Variants in WNT3 observed in about 807,000 individuals in gnomAD.
WNT3 encodes Wnt family member 3.
A neutral mutation model predicts 34.2 loss-of-function variants in WNT3; 7 were observed. The observed-to-expected ratio is 0.20, with a 90% CI of 0.12 to 0.38. The LOEUF (loss-of-function observed/expected upper bound fraction) is 0.38, where lower values mean the gene tolerates loss of function less well. Ranked by LOEUF, WNT3 falls within the 10% of genes least tolerant of loss-of-function variation. WNT3 has a pLI of 1.00. For missense variants in WNT3, 267 were observed against 499.8 expected (o/e 0.53, Z 4.44); for synonymous variants, 212 against 211.5 (o/e 1.00, Z -0.02).
At chr17:46,808,438 A>T (rs2084225073) in intron 1 of WNT3, among the ~76,000 whole-genome samples, 1 of 152,234 alleles carries the variant, frequency 6.6e-6, no homozygotes, top group Admixed American at 6.5e-5. Flanking sequence ...TAGAATATGA[A>T]CAAGCAAATT....
intron 4 of WNT3, among the ~76,000 whole-genome samples, chr17:46,765,003 CT>C: frequency 6.6e-6 from 1 of 152,372 alleles, no homozygotes; most frequent in East Asian, 1.9e-4. Context: ...CAGGCATGCA[CT>C]GTGTTTTTGT....
chr17:46,770,129 G>C, intron 2 of WNT3, 81 bp from the exon 3 acceptor site: 2 of 1,456,888 alleles, frequency 1.4e-6, no homozygotes, highest in South Asian at 2.8e-5. Context: ...AGGCCAGGAC[G>C]TGAGGGGAAC....
At position 46,763,777 on chromosome 17, in the gene WNT3, G is replaced by C. The variant is rs2059288510; in HGVS notation, c.*853C>G. 1.4e-5 allele frequency: 2 copies of C among 146,166 alleles called. No homozygotes were observed. Among genetic ancestry groups the C allele is most frequent in the Non-Finnish European group, 3.0e-5 (2 of 67,206 alleles). The allele number at this position is 146,166 out of a possible 1,614,324, so 9.1% of individuals were successfully genotyped here. A position where few individuals can be genotyped will look rare whatever the true frequency, so the allele number is the denominator to read the frequency against. ...CGCTTATTTATTTAGGAAGCCATTT[G>C]AGCTAGAGAAGACTTGCCCCCTTAC... On this transcript the variant is annotated 3_prime_UTR_variant, in exon 5 of 5. Transcript: ENST00000225512.
intron 1 of WNT3, among the ~76,000 whole-genome samples, chr17:46,800,855 G>A (rs868281426): frequency 3.3e-5 from 5 of 152,204 alleles, no homozygotes; most frequent in African/African-American, 1.2e-4. Flanking sequence ...GCGGTGCTGA[G>A]GGAAGGCTGC....
At chr17:46,814,983 G>A (rs2084322393) in intron 1 of WNT3, among the ~76,000 whole-genome samples, 1 of 152,170 alleles carries the variant, frequency 6.6e-6, no homozygotes, top group South Asian at 2.1e-4. Flanking sequence ...CAAGCTGTGA[G>A]GCAGGGCAGG....
chr17:46,780,633 G>A (rs1288623079), intron 1 of WNT3, among the ~76,000 whole-genome samples: 3 of 152,144 alleles, frequency 2.0e-5, no homozygotes, highest in African/African-American at 4.8e-5. Context: ...AAAATTAGCC[G>A]GGCGTGGTGG....
At chr17:46,807,519 G>A (rs1449228499) in intron 1 of WNT3, among the ~76,000 whole-genome samples, 8 of 152,062 alleles carry the variant, frequency 5.3e-5, no homozygotes, top group Non-Finnish European at 1.2e-4. Flanking sequence ...AGAAACAGAA[G>A]CAGACTGGAA....
At position 46,768,641 on chromosome 17, in the gene WNT3, G is replaced by A; in HGVS notation, c.747C>T (p.His249=). 1 of 1,614,156 alleles carries A rather than the reference G, an allele frequency of 6.2e-7. No individual in the cohort carries two copies. Among genetic ancestry groups the A allele is most frequent in the Non-Finnish European group, 8.5e-7 (1 of 1,180,046 alleles). Reference sequence around the variant, plus strand: ...TCTCCACCCAGCCTCGGGACTCACGGTGCTTCTCTACTACCATCTCCGAGG... The same window carrying A: ...TCTCCACCCAGCCTCGGGACTCACGATGCTTCTCTACTACCATCTCCGAGG... ...DSASEMVVEK[H]RESRGWVETL... The change falls in exon 4 of 5, where the codon CAC becomes CAT. Residue 249 remains histidine (H), a synonymous_variant. Transcript: ENST00000225512. This position sits in a 1 kb window ranked among gnomAD's most constrained non-coding sequence, Gnocchi z 5.0.
chr17:46,771,691 C>T (rs989851886), intron 2 of WNT3, among the ~76,000 whole-genome samples: 3 of 143,634 alleles, frequency 2.1e-5, no homozygotes, highest in Admixed American at 6.8e-5. Flanking sequence ...GGGCGGCTCC[C>T]GCGGCCGGGC....
intron 1 of WNT3, among the ~76,000 whole-genome samples, chr17:46,798,960 A>T (rs2084089136): frequency 6.6e-6 from 1 of 151,170 alleles, no homozygotes; most frequent in African/African-American, 2.4e-5. Context: ...AGGCAGGAGA[A>T]TCACTTGAGC....
chr17:46,791,329 G>A (rs898291337), intron 1 of WNT3, among the ~76,000 whole-genome samples: 8 of 151,776 alleles, frequency 5.3e-5, no homozygotes, highest in Non-Finnish European at 2.9e-5. Flanking sequence ...TTCTCCTCCT[G>A]AGTAACTGGG....
chr17:46,808,673 T>C (rs1038703610), intron 1 of WNT3, among the ~76,000 whole-genome samples: 1 of 152,064 alleles, frequency 6.6e-6, no homozygotes, highest in Non-Finnish European at 1.5e-5. Flanking sequence ...TGTTCCTAGA[T>C]AGAGAAACAA....
intron 1 of WNT3, among the ~76,000 whole-genome samples, chr17:46,812,665 G>A (rs1362989015): frequency 6.6e-6 from 1 of 152,110 alleles, no homozygotes; most frequent in East Asian, 1.9e-4. Flanking sequence ...GCCTGGCCCA[G>A]CACCCTCAAC....
At chr17:46,796,486 C>T (rs1398708691) in intron 1 of WNT3, among the ~76,000 whole-genome samples, 2 of 152,186 alleles carry the variant, frequency 1.3e-5, no homozygotes, top group East Asian at 3.8e-4. Context: ...TGGTCTGGCT[C>T]CAGAGGCTGA....
intron 4 of WNT3, among the ~76,000 whole-genome samples, chr17:46,767,773 GTTT>G (rs915033313): frequency 1.3e-5 from 2 of 150,518 alleles, no homozygotes; most frequent in Non-Finnish European, 3.0e-5. Flanking sequence ...ACTGAATTTT[GTTT>G]TTTTTTGTTT....
chr17:46,808,281 G>A (rs1442056394), intron 1 of WNT3, among the ~76,000 whole-genome samples: 1 of 152,344 alleles, frequency 6.6e-6, no homozygotes, highest in Middle Eastern at 3.4e-3. Context: ...CTGATGGCTT[G>A]TGGAAAGGTG....
In WNT3 at chr17:46,779,103, A is replaced by ACACACACACACACACACACC. The variant is rs749719578; in HGVS notation, c.81-5195_81-5194insGGTGTGTGTGTGTGTGTGTG. ...CACACACACACACACACACACACAC[A>ACACACACACACACACACACC]CCCCAGCCCACTCGGCCTTCCAAAG... On this transcript the variant is annotated intron_variant, in intron 1 of 4. Transcript: ENST00000225512. 7.2e-4 allele frequency among the ~76,000 whole-genome samples: 96 copies of ACACACACACACACACACACC among 133,634 alleles called. 2 individuals are homozygous for ACACACACACACACACACACC. The East Asian group carries it at 7.4e-3, about 10-fold the overall frequency. 87.7% of individuals were successfully genotyped at this position (133,634 alleles called of 152,430 possible). A position where few individuals can be genotyped will look rare whatever the true frequency, so the allele number is the denominator to read the frequency against.
intron 1 of WNT3, among the ~76,000 whole-genome samples, chr17:46,805,126 A>G (rs991410678): frequency 5.3e-5 from 8 of 152,122 alleles, no homozygotes; most frequent in African/African-American, 1.4e-4. Flanking sequence ...AACTCCAGAC[A>G]CAGGAAGATT....
chr17:46,811,427 C>A (rs1003533795), intron 1 of WNT3, among the ~76,000 whole-genome samples: 2 of 152,130 alleles, frequency 1.3e-5, no homozygotes, highest in Non-Finnish European at 2.9e-5. Flanking sequence ...GGTATGGGGC[C>A]GTGCCTGCTG....
Sources: allele counts gnomAD v4.1 joint callset (sites outside exome capture counted in the v4.1 genomes callset), GRCh38; gene constraint gnomAD v4.1.1; non-coding constraint Gnocchi (gnomAD v3.1); transcripts MANE v1.5; gene names NCBI Gene and HGNC (gene_info 2026-07-23, HGNC 2026-07-21).